Variants in MAN2C1 observed in about 807,000 individuals in gnomAD.
MAN2C1 encodes alpha-mannosidase 2C1.
In MAN2C1, 111 loss-of-function variants were observed where a neutral mutation model predicts 126.9. The ratio of observed to expected loss-of-function variants is 0.87; its 90% CI spans 0.75 to 1.02. The LOEUF (loss-of-function observed/expected upper bound fraction) is 1.02. MAN2C1 is among the 50% of genes least tolerant of loss of function. The pLI is 0.00. For missense variants in MAN2C1, 1,363 were observed against 1,364.4 expected, an observed-to-expected ratio of 1.00 and a Z score of 0.02; for synonymous variants, 567 against 561.5, an observed-to-expected ratio of 1.01 and a Z score of -0.14.
chr15:75,359,527 A>C, intron 16 of MAN2C1, 93 bp downstream of exon 16: 1 of 1,568,912 alleles, frequency 6.4e-7, no homozygotes, highest in Non-Finnish European at 8.7e-7. Flanking sequence ...CTCTCCAGTC[A>C]GGGGCACCCA....
In MAN2C1 at chr15:75,368,137, G is replaced by C; in HGVS notation, c.163C>G (p.Pro55Ala). The C allele has an allele frequency of 6.2e-7, 1 of 1,605,770 alleles. No homozygotes were observed. Among genetic ancestry groups the C allele is most frequent in the Non-Finnish European group, 8.5e-7 (1 of 1,177,248 alleles). The stretch of plus-strand genomic sequence containing the variant: ...TCCCGCTGGACTGCCTCCTGGTAGG[G>C]AAGTCTCTCCGGCGTCAGGAAGCTG... Reference protein sequence around the residue: ...LSSFLTPERLPYQEAVQRDFR... With the variant: ...LSSFLTPERLAYQEAVQRDFR... Residue 55 changes from proline (P) to alanine (A), a missense_variant, in exon 2 of 26, where the codon CCC (proline) becomes GCC (alanine). By Grantham distance (27) the Pro-to-Ala change is conservative. Transcript: ENST00000267978.
At position 75,360,561 on chromosome 15, in the gene MAN2C1, TGAC is replaced by T. The variant is rs1249537122; in HGVS notation, c.1584+1_1584+3del. The T allele has an allele frequency of 6.2e-7, 1 of 1,613,370 alleles. No homozygotes were observed. Among genetic ancestry groups the T allele is most frequent in the South Asian group, 1.1e-5 (1 of 91,058 alleles). On this transcript the variant is annotated splice_donor_variant and splice_donor_region_variant and intron_variant, in intron 13 of 25. Coordinates refer to ENST00000267978, the MANE Select transcript of MAN2C1 (RefSeq NM_006715.4). LOFTEE classifies it high-confidence loss of function. ...CCTGCACAGCCCTGCAACCTCCCCCTGACCTGGGCATGGGTGGTGTATGTGCCA... is the reference window on the plus strand; with the variant it reads ...CCTGCACAGCCCTGCAACCTCCCCCTCTGGGCATGGGTGGTGTATGTGCCA...
In MAN2C1 at chr15:75,368,328, G is replaced by A. The variant is rs2072631336; in HGVS notation, c.102-130C>T. 5 of 1,437,574 alleles carry A rather than the reference G, an allele frequency of 3.5e-6. No homozygotes were observed. In the South Asian group the frequency reaches 6.2e-5, roughly 18 times the overall value. 89.1% of individuals were successfully genotyped at this position (1,437,574 alleles called of 1,614,324 possible). A position where few individuals can be genotyped will look rare whatever the true frequency, so the allele number is the denominator to read the frequency against. ...GGCTGCCTGGCCGCTCCGCGGCACA[G>A]TCCATTCCCTACCCCCTCCTCCCCG... On this transcript the variant is annotated intron_variant, in intron 1 of 25. Transcript: ENST00000267978.
In MAN2C1 at chr15:75,364,085, T is replaced by TCCC; in HGVS notation, c.703_704insGGG (p.Gln235delinsArgGlu). ...GCCAAAGAACCTGGAGGCCAGGGCC[T>TCCC]GGGCCACTGGGAAGGTCTCGGGCTG... On this transcript the variant is annotated protein_altering_variant, in exon 6 of 26. Transcript: ENST00000267978. 1 of 1,614,192 alleles carries TCCC rather than the reference T, an allele frequency of 6.2e-7. No homozygotes were observed. Among genetic ancestry groups the TCCC allele is most frequent in the South Asian group, 1.1e-5 (1 of 91,092 alleles).
chr15:75,362,501 C>A lies in MAN2C1; in HGVS notation c.898-48G>T. On this transcript the variant is annotated intron_variant, in intron 7 of 25. Coordinates refer to ENST00000267978, the MANE Select transcript of MAN2C1 (RefSeq NM_006715.4). This position sits in a 1 kb window ranked among gnomAD's most constrained non-coding sequence, Gnocchi z 4.5. The stretch of plus-strand genomic sequence containing the variant: ...TGGGACCAGAGTGACAAGGGCCCCA[C>A]CCAGGACTGAGCATATGGGACTCAG... 1 of 1,552,354 alleles carries A rather than the reference C, an allele frequency of 6.4e-7. No individual in the cohort carries two copies. Among genetic ancestry groups the A allele is most frequent in the Admixed American group, 1.9e-5 (1 of 53,754 alleles).
At chr15:75,357,729 C>A in intron 21 of MAN2C1, 1 of 169,810 alleles carries the variant, frequency 5.9e-6, no homozygotes, top group Admixed American at 5.5e-5. Context: ...ACGCCATTCT[C>A]CTGCCTCAGC....
Position 75,361,507 on chromosome 15 carries a change from G to T in MAN2C1, c.1218+97C>A. The T allele has an allele frequency of 7.9e-7, 1 of 1,268,770 alleles. No homozygotes were observed. Among genetic ancestry groups the T allele is most frequent in the Non-Finnish European group, 1.2e-6 (1 of 868,742 alleles). 78.6% of individuals were successfully genotyped at this position (1,268,770 alleles called of 1,614,324 possible). On this transcript the variant is annotated intron_variant, in intron 10 of 25. Transcript: ENST00000267978. The surrounding 1 kb of genome is among the most constrained non-coding windows in gnomAD (Gnocchi z 5.0). ...CCTGGCAGAGGCAGAGTGAGGGTTT[G>T]GTGGTCTGTCTAGGACCCCACAATA...
rs201291447 is a variant in MAN2C1 at position 75,358,787 on chromosome 15, G to A, written c.2163C>T (p.Ala721=). 29 of 1,612,836 alleles carry A rather than the reference G, an allele frequency of 1.8e-5. No homozygotes were observed. Among genetic ancestry groups the A allele is most frequent in the Non-Finnish European group, 2.0e-5 (24 of 1,179,588 alleles). The part of the protein sequence containing the change: ...ASGREAIAEG[A]VGNQFVLFDD... ...CAAATAGCACAAACTGGTTCCCCACGGCGCCCTCAGCAATGGCCTCCCTGG... is the reference window on the plus strand; with the variant it reads ...CAAATAGCACAAACTGGTTCCCCACAGCGCCCTCAGCAATGGCCTCCCTGG... The change falls in exon 19 of 26, where the codon GCC becomes GCT. Residue 721 remains alanine, a synonymous_variant. Transcript: ENST00000267978.
At position 75,362,391 on chromosome 15, in the gene MAN2C1, A is replaced by C. The variant is rs750455197; in HGVS notation, c.960T>G (p.Phe320Leu). ...CAGGCACAAACTGCCCACGGCACGC[A>C]AACTCCTGGATGCGGGAGTACAGGC... ...YPGLYSRIQE[F>L]ACRGQFVPVG... Residue 320 changes from phenylalanine (F) to leucine (L), a missense_variant, in exon 8 of 26, where the codon TTT becomes TTG. Physicochemically the swap from Phe to Leu is conservative, Grantham distance 22 (BLOSUM62 0). Transcript: ENST00000267978. The surrounding 1 kb of genome is among the most constrained non-coding windows in gnomAD (Gnocchi z 4.5). The C allele has an allele frequency of 3.7e-6, 6 of 1,613,832 alleles. No individual in the cohort carries two copies. The highest frequency in any genetic ancestry group is 5.1e-6 in the Non-Finnish European group (6 of 1,180,022).
At chr15:75,367,712 G>T (rs2072605181) in intron 2 of MAN2C1, 78 bp from the exon 3 acceptor site, 2 of 1,570,182 alleles carry the variant, frequency 1.3e-6, no homozygotes, top group South Asian at 2.3e-5. Flanking sequence ...GTGTCGGCAG[G>T]GGCTTGAAAC....
intron 13 of MAN2C1, 46 bp from the exon 14 acceptor site, chr15:75,360,257 C>T (rs760277818): frequency 2.5e-6 from 4 of 1,596,034 alleles, no homozygotes; most frequent in Middle Eastern, 3.3e-4. Context: ...CTTAGCTGTC[C>T]CAGGACACCT....
rs759137835 is a variant in MAN2C1 at position 75,368,160 on chromosome 15, C to G, written c.140G>C (p.Ser47Thr). The change falls in exon 2 of 26, where the codon AGC becomes ACC. Residue 47 changes from serine to threonine, a missense_variant. By Grantham distance (58) the Ser-to-Thr change is moderately conservative. Around this residue, in one of 3 missense-constraint regions of MAN2C1, gnomAD observed 628 missense variants for 609.8 expected, o/e 1.03. Transcript: ENST00000267978. ...GASCPVAVLS[S>T]FLTPERLPYQ... ...GGGAAGTCTCTCCGGCGTCAGGAAG[C>G]TGGAGAGCACAGCCACAGGGCAGCT... 3.7e-6 allele frequency: 6 copies of G among 1,604,588 alleles called. No individual in the cohort carries two copies. The highest frequency in any genetic ancestry group is 5.1e-6 in the Non-Finnish European group (6 of 1,177,156).
At position 75,362,285 on chromosome 15, in the gene MAN2C1, A is replaced by G. The variant is rs759802664; in HGVS notation, c.1008+58T>C. 6.7e-7 allele frequency: 1 copy of G among 1,484,510 alleles called. No homozygotes were observed. The highest frequency in any genetic ancestry group is 9.4e-7 in the Non-Finnish European group (1 of 1,066,350). The allele number at this position is 1,484,510 out of a possible 1,614,324, so 92.0% of individuals were successfully genotyped here. ...CCAGCAAAGCCGGGAGGGCGGGGCT[A>G]CCTGAGGGAAGGCTGTTGTCATACA... On this transcript the variant is annotated intron_variant, in intron 8 of 25. Transcript: ENST00000267978. This position sits in a 1 kb window ranked among gnomAD's most constrained non-coding sequence, Gnocchi z 4.5.
chr15:75,361,043 G>C lies in MAN2C1; in HGVS notation c.1460+3C>G. ...CTAAAGGAGAGCCAAGGCCTGGCCTGACCTGGGCAGCCCATCCGTATTGCT... is the reference window on the plus strand; with the variant it reads ...CTAAAGGAGAGCCAAGGCCTGGCCTCACCTGGGCAGCCCATCCGTATTGCT... On this transcript the variant is annotated splice_donor_region_variant and intron_variant, in intron 12 of 25. Coordinates refer to ENST00000267978, the MANE Select transcript of MAN2C1 (RefSeq NM_006715.4). The surrounding 1 kb of genome is among the most constrained non-coding windows in gnomAD (Gnocchi z 5.0). 6.2e-7 allele frequency: 1 copy of C among 1,607,700 alleles called. No homozygotes were observed. Among genetic ancestry groups the C allele is most frequent in the South Asian group, 1.1e-5 (1 of 89,782 alleles).
In MAN2C1 at chr15:75,355,816, C is replaced by T. The variant is rs995093527; in HGVS notation, c.*90G>A. 1.3e-6 allele frequency: 2 copies of T among 1,498,172 alleles called. No homozygotes were observed. The highest frequency in any genetic ancestry group is 1.4e-5 in the African/African-American group (1 of 71,356). The allele number at this position is 1,498,172 out of a possible 1,614,324, so 92.8% of individuals were successfully genotyped here. On this transcript the variant is annotated 3_prime_UTR_variant, in exon 26 of 26. Coordinates refer to ENST00000267978, the MANE Select transcript of MAN2C1 (RefSeq NM_006715.4). ...GTTCCCGATCCAAGGATTTATTCCACAAGAAAAGACTGATCCCTGCTTTAG... is the reference window on the plus strand; with the variant it reads ...GTTCCCGATCCAAGGATTTATTCCATAAGAAAAGACTGATCCCTGCTTTAG...
At chr15:75,367,455 T>C in intron 3 of MAN2C1, 56 bp downstream of exon 3, 1 of 1,594,560 alleles carries the variant, frequency 6.3e-7, no homozygotes, top group South Asian at 1.1e-5. Context: ...AGAAGGGCTG[T>C]AGTCATTTCA....
At chr15:75,357,955 A>G (rs1849456333) in intron 21 of MAN2C1, 1 of 463,418 alleles carries the variant, frequency 2.2e-6, no homozygotes, top group Admixed American at 3.4e-5. Context: ...GCGTTTCACC[A>G]TGTTGGCCAG....
chr15:75,357,914 C>T (rs747384046), intron 21 of MAN2C1: 8 of 362,108 alleles, frequency 2.2e-5, no homozygotes, highest in Non-Finnish European at 4.3e-5. Context: ...TCACCACGCC[C>T]GGCCCAATTT....
chr15:75,363,498 T>C (rs1279040323), intron 6 of MAN2C1, among the ~76,000 whole-genome samples: 1 of 152,122 alleles, frequency 6.6e-6, no homozygotes, highest in Non-Finnish European at 1.5e-5. Context: ...CCATGAGGCA[T>C]CAGATTTTGT....
Sources: allele counts gnomAD v4.1 joint callset (sites outside exome capture counted in the v4.1 genomes callset), GRCh38; gene constraint gnomAD v4.1.1; regional missense constraint gnomAD v4.1.1; non-coding constraint Gnocchi (gnomAD v3.1); transcripts MANE v1.5; gene names NCBI Gene and HGNC (gene_info 2026-07-23, HGNC 2026-07-21).